GINS1: variants seen among roughly 807,000 people sequenced by gnomAD.
GINS1 encodes the protein GINS complex subunit 1.
A neutral mutation model predicts 34.9 loss-of-function variants in GINS1; 26 were observed. That is an observed-to-expected ratio of 0.74 (90% CI 0.55 to 1.03). GINS1 has a LOEUF of 1.03. Ranked by LOEUF, GINS1 falls within the 50% of genes least tolerant of loss-of-function variation. The pLI, the probability that GINS1 is intolerant of heterozygous loss-of-function variation, is 0.00. For missense variants in GINS1, 235 were observed against 237.9 expected, an observed-to-expected ratio of 0.99 and a Z score of 0.08; for synonymous variants, 97 against 84.4, an observed-to-expected ratio of 1.15 and a Z score of -0.82.
rs923929519 is a variant in GINS1, at chr20:25,429,338, T to C, written c.447+4011T>C. Among the ~76,000 whole-genome samples, 4 of 152,096 alleles carry C rather than the reference T, an allele frequency of 2.6e-5. 1 individual carries two copies. Among genetic ancestry groups the C allele is most frequent in the Non-Finnish European group, 4.4e-5 (3 of 68,006 alleles). On this transcript the variant is annotated intron_variant, in intron 5 of 6. Coordinates refer to ENST00000262460, the MANE Select transcript of GINS1 (RefSeq NM_021067.5). ...TTCACTATTTGAGATTTTATATGGA[T>C]TGTGGGATGGGTTTTTCTGTTTCTC...
intron 2 of GINS1, among the ~76,000 whole-genome samples, chr20:25,414,222 A>T (rs895675824): frequency 1.3e-5 from 2 of 150,596 alleles, no homozygotes; most frequent in African/African-American, 4.9e-5. Context: ...AGATGTTGAA[A>T]TCAGATAACC....
chr20:25,439,850 T>C (rs542620088), intron 5 of GINS1, among the ~76,000 whole-genome samples: 16 of 151,676 alleles, frequency 1.1e-4, no homozygotes, highest in Non-Finnish European at 1.9e-4. Flanking sequence ...AAAAAATTAG[T>C]TGGGCGTGGT....
At position 25,445,816 on chromosome 20, in the gene GINS1, G is replaced by C. The variant is rs185273890; in HGVS notation, c.523-107G>C. ...TTAACTTTCAACTACTTACTTGTTG[G>C]AGTTTGAAAACTAATCAGTGCTACT... On this transcript the variant is annotated intron_variant, in intron 6 of 6. Coordinates refer to ENST00000262460, the MANE Select transcript of GINS1 (RefSeq NM_021067.5). The C allele has an allele frequency of 2.5e-4, 174 of 705,688 alleles. 1 individual carries two copies. The East Asian group carries it at 4.6e-3, about 19-fold the overall frequency. The allele number at this position is 705,688 out of a possible 1,614,324, so 43.7% of individuals were successfully genotyped here.
At chr20:25,442,330 A>T (rs868861416) in intron 6 of GINS1, among the ~76,000 whole-genome samples, 11 of 131,478 alleles carry the variant, frequency 8.4e-5, no homozygotes, top group Non-Finnish European at 1.3e-4. Context: ...TTATCCATCT[A>T]TCTATCTATC....
intron 5 of GINS1, among the ~76,000 whole-genome samples, chr20:25,428,608 G>A (rs182762548): frequency 6.6e-6 from 1 of 151,474 alleles, no homozygotes; most frequent in Admixed American, 6.6e-5. Context: ...GTTTCACCGT[G>A]TTAGCCAGGA....
rs746877611 is a variant in GINS1, at chr20:25,407,716, G to A, written c.-105G>A. On this transcript the variant is annotated 5_prime_UTR_variant, in exon 1 of 7. Coordinates refer to ENST00000262460, the MANE Select transcript of GINS1 (RefSeq NM_021067.5). Reference sequence around the variant, plus strand: ...GAGCGGAGGCCGAGGCGAGAGCCTGGCGCTGTAGGACTAGAACGAAAGGAG... The same window carrying A: ...GAGCGGAGGCCGAGGCGAGAGCCTGACGCTGTAGGACTAGAACGAAAGGAG... The A allele has an allele frequency of 1.0e-5, 9 of 878,456 alleles. No individual in the cohort carries two copies. The highest frequency in any genetic ancestry group is 7.9e-5 in the East Asian group (3 of 37,738). The allele number at this position is 878,456 out of a possible 1,614,324, so 54.4% of individuals were successfully genotyped here.
intron 1 of GINS1, among the ~76,000 whole-genome samples, chr20:25,410,885 G>T (rs887021351): frequency 6.6e-6 from 1 of 152,104 alleles, no homozygotes; most frequent in Non-Finnish European, 1.5e-5. Flanking sequence ...TTTTCTTCTG[G>T]AATCACTCAT....
At chr20:25,409,682 C>G (rs2090271270) in intron 1 of GINS1, among the ~76,000 whole-genome samples, 1 of 152,226 alleles carries the variant, frequency 6.6e-6, no homozygotes. Context: ...AGGAACTCGT[C>G]TGAATTTACA....
At chr20:25,428,535 C>T (rs976987816) in intron 5 of GINS1, among the ~76,000 whole-genome samples, 1 of 150,814 alleles carries the variant, frequency 6.6e-6, no homozygotes, top group Non-Finnish European at 1.5e-5. Context: ...TCCCGAGTAG[C>T]TGGGACCACA....
chr20:25,409,328 G>A (rs1218212516), intron 1 of GINS1, among the ~76,000 whole-genome samples: 2 of 152,214 alleles, frequency 1.3e-5, no homozygotes, highest in Non-Finnish European at 2.9e-5. Flanking sequence ...ATGGGACAGG[G>A]AGATGGCTAC....
chr20:25,424,571 T>G (rs2090379712), intron 4 of GINS1, among the ~76,000 whole-genome samples: 1 of 152,204 alleles, frequency 6.6e-6, no homozygotes, highest in Admixed American at 6.5e-5. Context: ...CATTCTTATT[T>G]GAGAATATTT....
intron 4 of GINS1, among the ~76,000 whole-genome samples, chr20:25,422,853 C>T (rs1045510292): frequency 1.3e-5 from 2 of 150,772 alleles, no homozygotes; most frequent in South Asian, 2.1e-4. Context: ...CTTGGCTGAC[C>T]GCAACCCCCG....
chr20:25,412,532 G>T (rs1191262983), intron 1 of GINS1, among the ~76,000 whole-genome samples: 1 of 151,986 alleles, frequency 6.6e-6, no homozygotes, highest in Admixed American at 6.6e-5. Flanking sequence ...TCCAGCCCAG[G>T]CGACAGTGTG....
At chr20:25,415,150 A>G (rs1291695378) in intron 2 of GINS1, among the ~76,000 whole-genome samples, 1 of 152,194 alleles carries the variant, frequency 6.6e-6, no homozygotes, top group Non-Finnish European at 1.5e-5. Context: ...TATGGCTGGT[A>G]AGATTTGTGA....
At chr20:25,445,865 T>G (rs1418971273) in intron 6 of GINS1, 58 bp from the exon 7 acceptor site, 1 of 1,063,512 alleles carries the variant, frequency 9.4e-7, no homozygotes, top group South Asian at 1.4e-5. Flanking sequence ...AGAAATAATT[T>G]CAAATTCTTT....
chr20:25,433,766 C>A (rs2090439511), intron 5 of GINS1, among the ~76,000 whole-genome samples: 2 of 152,122 alleles, frequency 1.3e-5, no homozygotes. Flanking sequence ...AAATTCTGAT[C>A]CCTCAAATCA....
At chr20:25,407,928 C>G (rs188473560) in intron 1 of GINS1, 33 bp downstream of exon 1, 15,406 of 1,530,306 alleles carry the variant, frequency 0.01, 104 homozygotes, top group Non-Finnish European at 0.012. Context: ...CGGGGCATGC[C>G]GGCGTTGGGC....
chr20:25,408,446 T>C (rs2090261682), intron 1 of GINS1, among the ~76,000 whole-genome samples: 1 of 152,216 alleles, frequency 6.6e-6, no homozygotes, highest in Non-Finnish European at 1.5e-5. Flanking sequence ...GCTATTAATA[T>C]TACTTTTCTC....
chr20:25,413,056 A>ATTTTTTTT (rs753937496), intron 1 of GINS1, among the ~76,000 whole-genome samples: 9 of 135,952 alleles, frequency 6.6e-5, no homozygotes, highest in South Asian at 2.3e-4. Flanking sequence ...TCAGTAGTTC[A>ATTTTTTTT]TTTTTTTTTT....
Sources: gnomAD v4.1 joint callset for allele counts (sites outside exome capture counted in the v4.1 genomes callset) on GRCh38, gnomAD v4.1.1 for gene constraint, MANE v1.5 for transcripts, NCBI Gene and HGNC (gene_info 2026-07-23, HGNC 2026-07-21) for gene names.